RER1: variants seen among roughly 807,000 people sequenced by gnomAD.
RER1 encodes the protein retention in endoplasmic reticulum sorting receptor 1, also known as protein RER1.
RER1 carries 6 observed loss-of-function variants against 28.3 expected under a neutral mutation model. The observed-to-expected ratio is 0.21, with a 90% confidence interval of 0.12 to 0.42. The LOEUF (loss-of-function observed/expected upper bound fraction) is 0.42. Ranked by LOEUF, RER1 falls within the 10% of genes least tolerant of loss-of-function variation. The pLI is 1.00. For missense variants in RER1, 159 were observed against 252.9 expected (o/e 0.63, Z 2.52); for synonymous variants, 110 against 95.9 (o/e 1.15, Z -0.86).
In RER1 at chr1:2,403,145, C is replaced by T. The variant is rs1642898082; in HGVS notation, c.*21C>T. The T allele has an allele frequency of 6.3e-7, 1 of 1,592,822 alleles. No homozygotes were observed. Among genetic ancestry groups the T allele is most frequent in the South Asian group, 1.1e-5 (1 of 90,656 alleles). ...GCTAGAAGCGGGACTGAGGCTGCCT[C>T]ACGTGTTGCAAGAACAGTTTTGAGC... On this transcript the variant is annotated 3_prime_UTR_variant, in exon 7 of 7. Transcript: ENST00000605895.
chr1:2,404,724 C>G lies in RER1; in HGVS notation c.*1600C>G, dbSNP rs906838819. 1 of 152,298 alleles carries G rather than the reference C, an allele frequency of 6.6e-6. No homozygotes were observed. The highest frequency in any genetic ancestry group is 1.5e-5 in the Non-Finnish European group (1 of 68,056). 9.4% of individuals were successfully genotyped at this position (152,298 alleles called of 1,614,324 possible). ...CCGGTCCTGCTGGCCAGGTGTTTTA[C>G]GTCAGCAGGGAAATGTGGCACACGC... On this transcript the variant is annotated 3_prime_UTR_variant, in exon 7 of 7. Coordinates refer to ENST00000605895, the MANE Select transcript of RER1 (RefSeq NM_007033.5).
chr1:2,400,361 G>A (rs115157580), intron 4 of RER1, among the ~76,000 whole-genome samples: 1,763 of 152,302 alleles, frequency 0.012, 33 homozygotes, highest in African/African-American at 0.04. Flanking sequence ...AAATAACAAA[G>A]AGCCCCTTTC....
At position 2,400,723 on chromosome 1, in the gene RER1, T is replaced by A. The variant is rs570506016; in HGVS notation, c.287-134T>A. The A allele has an allele frequency of 7.5e-5, 57 of 763,134 alleles. No homozygotes were observed. In the African/African-American group the frequency reaches 8.7e-4, roughly 12 times the overall value. The allele number at this position is 763,134 out of a possible 1,614,324, so 47.3% of individuals were successfully genotyped here. On this transcript the variant is annotated intron_variant, in intron 4 of 6. Coordinates refer to ENST00000605895, the MANE Select transcript of RER1 (RefSeq NM_007033.5). The stretch of plus-strand genomic sequence containing the variant: ...TTGACCACAGACCCCCGTTTTCTCG[T>A]TTTCTCTGGTTAAATGACATGAATC...
chr1:2,395,618 G>T (rs1642758328), intron 1 of RER1, 166 bp from the exon 2 acceptor site: 4 of 621,538 alleles, frequency 6.4e-6, no homozygotes, highest in Non-Finnish European at 1.2e-5. Context: ...GGAAGCCTGT[G>T]TACCTGCTAC....
At chr1:2,398,077 C>G (rs1368549933) in intron 3 of RER1, among the ~76,000 whole-genome samples, 1 of 152,190 alleles carries the variant, frequency 6.6e-6, no homozygotes, top group Non-Finnish European at 1.5e-5. Context: ...CAGGCAGGAG[C>G]AGGGGGCGGG....
chr1:2,396,701 G>C (rs567703745), intron 2 of RER1, among the ~76,000 whole-genome samples: 1 of 152,232 alleles, frequency 6.6e-6, no homozygotes, highest in Admixed American at 6.5e-5. Flanking sequence ...GCCTGGGAGC[G>C]GGGCAAGGCT....
chr1:2,398,094 G>A (rs1642794407), intron 3 of RER1, among the ~76,000 whole-genome samples: 1 of 152,232 alleles, frequency 6.6e-6, no homozygotes, highest in Non-Finnish European at 1.5e-5. Flanking sequence ...CGGGAAGAGT[G>A]CAGCACCCAC....
Position 2,395,511 on chromosome 1 carries a change from A to T in RER1, c.-7-273A>T, listed in dbSNP as rs376649865. ...TGCTCCTGGGGCCAGTGGGGTGGACAGTCCCGCCCACGCAGGTGACTGAGG... is the reference window on the plus strand; with the variant it reads ...TGCTCCTGGGGCCAGTGGGGTGGACTGTCCCGCCCACGCAGGTGACTGAGG... On this transcript the variant is annotated intron_variant, in intron 1 of 6. Transcript: ENST00000605895. 36 of 435,546 alleles carry T rather than the reference A, an allele frequency of 8.3e-5. No individual in the cohort carries two copies. In the East Asian group the frequency reaches 1.2e-3, roughly 14 times the overall value. 27.0% of individuals were successfully genotyped at this position (435,546 alleles called of 1,614,324 possible). A position where few individuals can be genotyped will look rare whatever the true frequency, so the allele number is the denominator to read the frequency against.
At chr1:2,399,117 C>T (rs1642809547) in intron 3 of RER1, among the ~76,000 whole-genome samples, 1 of 152,172 alleles carries the variant, frequency 6.6e-6, no homozygotes, top group Non-Finnish European at 1.5e-5. Context: ...CTGCTGCGCT[C>T]CTTGTGGGGC....
intron 6 of RER1, among the ~76,000 whole-genome samples, chr1:2,402,755 T>C (rs1642889250): frequency 6.6e-6 from 1 of 152,180 alleles, no homozygotes; most frequent in South Asian, 2.1e-4. Flanking sequence ...GTGCCCGGGG[T>C]GTTGGCTGCA....
rs991259926 is a variant in RER1 at position 2,400,466 on chromosome 1, G to T, written c.287-391G>T. On this transcript the variant is annotated intron_variant, in intron 4 of 6. Transcript: ENST00000605895. ...AGTGGGCTTGGCACAGCTGCTGGTG[G>T]GACAGGCCTGGCGCCCGGGTTCCAC... Among the ~76,000 whole-genome samples the T allele has an allele frequency of 2.6e-5, 4 of 152,246 alleles. No individual in the cohort carries two copies. The East Asian group carries it at 7.7e-4, about 29-fold the overall frequency.
Position 2,403,306 on chromosome 1 carries a change from C to T in RER1, c.*182C>T, listed in dbSNP as rs1013928725. ...GAAGAAACTGGCGCTTAAACCAAAT[C>T]GCATGGATTTCTTTTTCAGTGACGT... On this transcript the variant is annotated 3_prime_UTR_variant, in exon 7 of 7. Coordinates refer to ENST00000605895, the MANE Select transcript of RER1 (RefSeq NM_007033.5). 4.1e-5 allele frequency: 23 copies of T among 560,236 alleles called. No homozygotes were observed. The highest frequency in any genetic ancestry group is 3.0e-4 in the African/African-American group (16 of 52,738). The allele number at this position is 560,236 out of a possible 1,614,324, so 34.7% of individuals were successfully genotyped here.
chr1:2,402,407 G>T, intron 6 of RER1, 65 bp downstream of exon 6: 15 of 1,604,754 alleles, frequency 9.3e-6, no homozygotes, highest in Non-Finnish European at 8.5e-7. Context: ...AGCATTGGGG[G>T]AGCTGTGCTG....
At chr1:2,402,533 G>T (rs1342627907) in intron 6 of RER1, among the ~76,000 whole-genome samples, 191 bp downstream of exon 6, 2 of 152,160 alleles carry the variant, frequency 1.3e-5, no homozygotes, top group Non-Finnish European at 2.9e-5. Flanking sequence ...ACTAAACGGG[G>T]AGCGCAGCTG....
In RER1 at chr1:2,397,326, A is replaced by G. The variant is rs372105462; in HGVS notation, c.186+106A>G. 5 of 754,170 alleles carry G rather than the reference A, an allele frequency of 6.6e-6. No homozygotes were observed. In the African/African-American group the frequency reaches 6.9e-5, roughly 10 times the overall value. The allele number at this position is 754,170 out of a possible 1,614,324, so 46.7% of individuals were successfully genotyped here. ...GTCTGTCTTGCAGGAAGTGGTCTCT[A>G]GTAATCAATTTTCAGCTAAACGCCA... On this transcript the variant is annotated intron_variant, in intron 3 of 6. Coordinates refer to ENST00000605895, the MANE Select transcript of RER1 (RefSeq NM_007033.5).
chr1:2,400,837 A>AT lies in RER1; in HGVS notation c.287-19dup. 1 of 1,606,554 alleles carries AT rather than the reference A, an allele frequency of 6.2e-7. No homozygotes were observed. The highest frequency in any genetic ancestry group is 1.1e-5 in the South Asian group (1 of 90,930). On this transcript the variant is annotated intron_variant, in intron 4 of 6. Transcript: ENST00000605895. ...GGAATGAAAAGAGGTGCCCTCCCTG[A>AT]TGGTTGCTCTGCCTTACAGATGACG...
At chr1:2,393,459 T>C (rs1392512132) in intron 1 of RER1, among the ~76,000 whole-genome samples, 1 of 152,150 alleles carries the variant, frequency 6.6e-6, no homozygotes, top group Non-Finnish European at 1.5e-5. Flanking sequence ...GGAGGTGGGC[T>C]TCAAACTGAG....
In RER1 at chr1:2,400,862, G is replaced by C; in HGVS notation, c.292G>C (p.Gly98Arg). The C allele has an allele frequency of 6.2e-7, 1 of 1,613,814 alleles. No individual in the cohort carries two copies. The highest frequency in any genetic ancestry group is 8.5e-7 in the Non-Finnish European group (1 of 1,179,758). Residue 98 changes from glycine (G) to arginine (R), a missense_variant, in exon 5 of 7, where the codon GGT becomes CGT. Transcript: ENST00000605895. The stretch of plus-strand genomic sequence containing the variant: ...ATGGTTGCTCTGCCTTACAGATGAC[G>C]GTCCTTCGCTACCCACCAAACAGAA... ...DPSLMEDSDD[G>R]PSLPTKQNEE...
intron 6 of RER1, 131 bp downstream of exon 6, chr1:2,402,473 C>G (rs1378231541): frequency 2.1e-5 from 25 of 1,208,304 alleles, no homozygotes; most frequent in Admixed American, 3.9e-5. Context: ...CTAAGTGGCA[C>G]CGTCTTGTGT....
Sources: allele counts gnomAD v4.1 joint callset (sites outside exome capture counted in the v4.1 genomes callset), GRCh38; gene constraint gnomAD v4.1.1; transcripts MANE v1.5; gene names NCBI Gene and HGNC (gene_info 2026-07-23, HGNC 2026-07-21).